LRRC4C: variants seen among roughly 807,000 people sequenced by gnomAD.
LRRC4C encodes leucine-rich repeat-containing protein 4C.
In LRRC4C, 5 loss-of-function variants were observed where a neutral mutation model predicts 33.6. That is an observed-to-expected ratio of 0.15 (90% confidence interval 0.08 to 0.31). The LOEUF is 0.31. Among genes scored for constraint, LRRC4C ranks in the 10% least tolerant of loss-of-function variants. The pLI is 1.00. For synonymous variants in LRRC4C, 329 were observed against 302.0 expected (o/e 1.09, Z -0.93); for missense variants, 560 against 796.7 (o/e 0.70, Z 3.58).
chr11:40,984,350 GAGAA>G (rs1395631227), intron 1 of LRRC4C, among the ~76,000 whole-genome samples: 6 of 96,114 alleles, frequency 6.2e-5, no homozygotes, highest in African/African-American at 1.9e-4. Flanking sequence ...AAGTAGGAAA[GAGAA>G]AGAAAGAAAA....
intron 1 of LRRC4C, among the ~76,000 whole-genome samples, chr11:40,987,652 T>TA (rs1565274467): frequency 1.2e-5 from 1 of 84,308 alleles, no homozygotes; most frequent in Admixed American, 1.3e-4. Flanking sequence ...TATATATATA[T>TA]CTCATATATA....
At chr11:40,584,698 G>A (rs982887568) in intron 3 of LRRC4C, among the ~76,000 whole-genome samples, 19 of 152,010 alleles carry the variant, frequency 1.2e-4, no homozygotes, top group African/African-American at 9.7e-5. Context: ...TTTGGAGGCC[G>A]AGGCGGGTGG....
In LRRC4C at chr11:40,371,844, G is replaced by A. The variant is rs115919967; in HGVS notation, c.-269-52123C>T. 7.4e-4 allele frequency among the ~76,000 whole-genome samples: 113 copies of A among 152,222 alleles called. 1 individual carries two copies. In the East Asian group the frequency reaches 0.021, roughly 28 times the overall value. On this transcript the variant is annotated intron_variant, in intron 3 of 6. Coordinates refer to ENST00000528697, the MANE Select transcript of LRRC4C (RefSeq NM_001258419.2). ...ATTGAGGCTCCCAACTGGACAACACGACCTGGGAAAATATTTGTTTTTCAT... is the reference window on the plus strand; with the variant it reads ...ATTGAGGCTCCCAACTGGACAACACAACCTGGGAAAATATTTGTTTTTCAT...
chr11:40,605,299 A>G (rs781235026), intron 3 of LRRC4C, among the ~76,000 whole-genome samples: 7 of 152,182 alleles, frequency 4.6e-5, no homozygotes, highest in Non-Finnish European at 7.3e-5. Flanking sequence ...CTGCAGGAAT[A>G]TCCTTTAATT....
intron 2 of LRRC4C, among the ~76,000 whole-genome samples, chr11:40,810,067 A>G (rs1466603266): frequency 3.3e-5 from 5 of 152,126 alleles, no homozygotes. Context: ...TATTACCTCC[A>G]TTCCCTGACT....
intron 3 of LRRC4C, among the ~76,000 whole-genome samples, chr11:40,576,877 C>T (rs1958215056): frequency 6.6e-6 from 1 of 152,138 alleles, no homozygotes. Flanking sequence ...AGTATGCGCT[C>T]ATTAAATGTT....
chr11:41,349,393 G>A (rs1951901102), intron 1 of LRRC4C, among the ~76,000 whole-genome samples: 1 of 152,066 alleles, frequency 6.6e-6, no homozygotes, highest in South Asian at 2.1e-4. Flanking sequence ...GTTGGTGCCA[G>A]TGGACTGGGA....
intron 1 of LRRC4C, among the ~76,000 whole-genome samples, chr11:41,451,988 T>C (rs1956041804): frequency 6.6e-6 from 1 of 152,148 alleles, no homozygotes; most frequent in Non-Finnish European, 1.5e-5. Flanking sequence ...TTATTAATCA[T>C]TTGCTTGTTT....
At chr11:40,211,506 A>T in intron 5 of LRRC4C, among the ~76,000 whole-genome samples, 1 of 152,228 alleles carries the variant, frequency 6.6e-6, no homozygotes. Flanking sequence ...AAATGTAAAC[A>T]ATAAGGAAAA....
intron 1 of LRRC4C, among the ~76,000 whole-genome samples, chr11:41,359,181 G>T (rs1264222878): frequency 2.0e-5 from 3 of 152,026 alleles, no homozygotes; most frequent in Non-Finnish European, 1.5e-5. Context: ...TTGTTGCCAG[G>T]AATTAGAGAG....
At chr11:41,081,445 A>T (rs567380175) in intron 1 of LRRC4C, among the ~76,000 whole-genome samples, 123 of 152,332 alleles carry the variant, frequency 8.1e-4, no homozygotes, top group Non-Finnish European at 1.6e-3. Context: ...CAGCCATTCA[A>T]GCATCAAGAT....
chr11:40,783,719 A>T (rs1377868777), intron 2 of LRRC4C, among the ~76,000 whole-genome samples: 3 of 152,204 alleles, frequency 2.0e-5, no homozygotes, highest in Non-Finnish European at 4.4e-5. Context: ...GCAGCATTTG[A>T]TGTTATTATT....
At chr11:40,423,415 G>T (rs995667000) in intron 3 of LRRC4C, among the ~76,000 whole-genome samples, 1 of 147,004 alleles carries the variant, frequency 6.8e-6, no homozygotes. Context: ...CGCCATCTCG[G>T]CTCACTGCAA....
At chr11:40,157,507 A>G (rs1245574144) in intron 5 of LRRC4C, among the ~76,000 whole-genome samples, 2 of 152,102 alleles carry the variant, frequency 1.3e-5, no homozygotes, top group Admixed American at 6.6e-5. Flanking sequence ...CGCAATCTAT[A>G]CATCTGACAA....
chr11:41,411,262 C>T (rs1038358941), intron 1 of LRRC4C, among the ~76,000 whole-genome samples: 3 of 149,970 alleles, frequency 2.0e-5, no homozygotes, highest in Admixed American at 2.0e-4. Context: ...CATTCTCCTG[C>T]CTCAGCCTCC....
intron 5 of LRRC4C, among the ~76,000 whole-genome samples, chr11:40,188,239 G>T (rs998776024): frequency 6.6e-6 from 1 of 152,178 alleles, no homozygotes. Flanking sequence ...CAAGAGCAAA[G>T]TGAAATTCTG....
intron 4 of LRRC4C, among the ~76,000 whole-genome samples, chr11:40,298,895 TG>T (rs1354929656): frequency 1.3e-5 from 2 of 152,030 alleles, no homozygotes; most frequent in African/African-American, 2.4e-5. Flanking sequence ...GAAAAGAGCA[TG>T]GGGGGAAATG....
chr11:40,448,896 C>A (rs1486300515), intron 3 of LRRC4C, among the ~76,000 whole-genome samples: 1 of 152,188 alleles, frequency 6.6e-6, no homozygotes, highest in African/African-American at 2.4e-5. Flanking sequence ...TTCTCTACAT[C>A]CCCTTTAGCA....
chr11:40,468,596 G>A (rs542195796), intron 3 of LRRC4C, among the ~76,000 whole-genome samples: 82 of 152,166 alleles, frequency 5.4e-4, no homozygotes, highest in Non-Finnish European at 9.4e-4. Flanking sequence ...GCTTAAAGGC[G>A]TGTGTGTGAG....
Sources: allele counts gnomAD v4.1 joint callset (sites outside exome capture counted in the v4.1 genomes callset), GRCh38; gene constraint gnomAD v4.1.1; transcripts MANE v1.5; gene names NCBI Gene and HGNC (gene_info 2026-07-23, HGNC 2026-07-21).